Variants in TENM1 observed in about 807,000 individuals in gnomAD.
TENM1 encodes teneurin transmembrane protein 1.
Under a neutral mutation model 174.8 loss-of-function variants are expected in TENM1, and 35 were observed. The ratio of observed to expected loss-of-function variants is 0.20; its 90% CI spans 0.15 to 0.27. The LOEUF is 0.27. Ranked by LOEUF, TENM1 falls within the 10% of genes least tolerant of loss-of-function variation. The pLI, the probability that TENM1 is intolerant of heterozygous loss-of-function variation, is 1.00. For missense variants in TENM1, 1,633 were observed against 2,130.1 expected, an observed-to-expected ratio of 0.77 and a Z score of 4.59; for synonymous variants, 781 against 798.7, an observed-to-expected ratio of 0.98 and a Z score of 0.37.
the TENM1 span, among the ~76,000 whole-genome samples, chrX:125,180,757 C>G: frequency 0.027 from 3,022 of 111,127 alleles, 126 homozygotes; most frequent in African/African-American, 0.093. Context: ...CTATGCTTAT[C>G]TCTTCTCATG....
Position 124,940,926 on chromosome X carries a change from T to C in TENM1, c.217+22611A>G, listed in dbSNP as rs140613608. On this transcript the variant is annotated intron_variant, in intron 1 of 31. Transcript: ENST00000422452. ...ATTTTCCCTTGACTATAAGTATTCA[T>C]TCATTCATACTTCAAATATTTATTC... Among the ~76,000 whole-genome samples the C allele has an allele frequency of 6.2e-3, 691 of 111,767 alleles. 3 individuals are homozygous for C. The highest frequency in any genetic ancestry group is 0.021 in the African/African-American group (659 of 30,809).
chrX:124,676,524 A>G (rs1340264665), intron 5 of TENM1, among the ~76,000 whole-genome samples: 1 of 105,070 alleles, frequency 9.5e-6, no homozygotes. Context: ...TTTTACAATT[A>G]TTCTCCTTCC....
chrX:124,688,153 G>C (rs750068167), intron 5 of TENM1, among the ~76,000 whole-genome samples: 9 of 103,245 alleles, frequency 8.7e-5, no homozygotes, highest in African/African-American at 3.2e-4. Flanking sequence ...TCTTCTCATA[G>C]CATGCTGGCT....
At chrX:124,636,048 C>T (rs1049132574) in intron 11 of TENM1, among the ~76,000 whole-genome samples, 2 of 112,023 alleles carry the variant, frequency 1.8e-5, no homozygotes, top group Admixed American at 1.9e-4. Flanking sequence ...TGAAAATAAT[C>T]AGTAAACCAT....
intron 11 of TENM1, among the ~76,000 whole-genome samples, chrX:124,625,257 A>G (rs1369622700): frequency 9.0e-6 from 1 of 111,391 alleles, no homozygotes; most frequent in Non-Finnish European, 1.9e-5. Flanking sequence ...GATACTTTGG[A>G]AAGACTGATT....
At chrX:124,527,671 CAG>C (rs1488492688) in intron 16 of TENM1, among the ~76,000 whole-genome samples, 1 of 92,331 alleles carries the variant, frequency 1.1e-5, no homozygotes, top group Non-Finnish European at 2.1e-5. Flanking sequence ...TTTTTTGAGA[CAG>C]AGTCTCGCTT....
intron 19 of TENM1, among the ~76,000 whole-genome samples, chrX:124,498,283 T>C (rs748551140): frequency 3.6e-5 from 4 of 111,450 alleles, no homozygotes; most frequent in African/African-American, 1.3e-4. Flanking sequence ...TATTCCTACA[T>C]TAGTTTAGTT....
the TENM1 span, among the ~76,000 whole-genome samples, chrX:125,011,314 A>C: frequency 1.8e-5 from 2 of 112,363 alleles, no homozygotes; most frequent in Non-Finnish European, 3.8e-5. Context: ...TAGTGCAACA[A>C]AAGCCAAAAT....
chrX:124,798,954 C>A (rs1242886294), intron 3 of TENM1, among the ~76,000 whole-genome samples: 1 of 111,413 alleles, frequency 9.0e-6, no homozygotes, highest in Non-Finnish European at 1.9e-5. Flanking sequence ...GAATCCTTAC[C>A]CCATTGCTTT....
At chrX:124,877,169 A>G (rs1235104420) in intron 3 of TENM1, among the ~76,000 whole-genome samples, 1 of 112,475 alleles carries the variant, frequency 8.9e-6, no homozygotes. Context: ...ATTATACAAT[A>G]TAGCATTCAG....
intron 3 of TENM1, among the ~76,000 whole-genome samples, chrX:124,807,912 CACACACAG>C (rs1465369959): frequency 9.1e-6 from 1 of 109,721 alleles, no homozygotes; most frequent in Admixed American, 9.8e-5. Flanking sequence ...CACACACACA[CACACACAG>C]AGGAAGGAAG....
chrX:124,699,191 A>G (rs1467518908), intron 5 of TENM1, among the ~76,000 whole-genome samples: 1 of 111,403 alleles, frequency 9.0e-6, no homozygotes, highest in Non-Finnish European at 1.9e-5. Context: ...ATAGAATTCA[A>G]GTTATTTACT....
At chrX:124,769,525 G>A (rs1380857708) in intron 3 of TENM1, among the ~76,000 whole-genome samples, 2 of 111,443 alleles carry the variant, frequency 1.8e-5, no homozygotes, top group Non-Finnish European at 3.8e-5. Context: ...TTAAATAATT[G>A]AAGCCTAAAC....
intron 5 of TENM1, among the ~76,000 whole-genome samples, chrX:124,703,444 A>C (rs2052822604): frequency 8.9e-6 from 1 of 111,916 alleles, no homozygotes; most frequent in Admixed American, 9.5e-5. Context: ...CATAATAATA[A>C]ATTTAAATAG....
intron 23 of TENM1, among the ~76,000 whole-genome samples, chrX:124,447,480 T>C (rs189845604): frequency 2.7e-4 from 30 of 111,947 alleles, no homozygotes; most frequent in Admixed American, 2.6e-3. Context: ...AAAGAAGTGA[T>C]CTATTTTCCG....
At chrX:124,911,841 A>G (rs1393814947) in intron 1 of TENM1, among the ~76,000 whole-genome samples, 1 of 111,594 alleles carries the variant, frequency 9.0e-6, no homozygotes, top group Non-Finnish European at 1.9e-5. Flanking sequence ...ATCTGAACAC[A>G]AATAACCGAG....
intron 14 of TENM1, among the ~76,000 whole-genome samples, chrX:124,547,428 T>C (rs981139570): frequency 2.7e-5 from 3 of 112,260 alleles, no homozygotes; most frequent in South Asian, 7.4e-4. Context: ...TCTTCCTCAG[T>C]GAGACCATTC....
intron 11 of TENM1, among the ~76,000 whole-genome samples, chrX:124,622,300 G>C (rs1270286278): frequency 8.9e-6 from 1 of 111,913 alleles, no homozygotes; most frequent in Non-Finnish European, 1.9e-5. Flanking sequence ...GGTGGGAAAA[G>C]AGGGAGAGAC....
intron 3 of TENM1, among the ~76,000 whole-genome samples, chrX:124,748,127 G>C (rs2053973418): frequency 9.0e-6 from 1 of 110,967 alleles, no homozygotes. Context: ...CTTATGTAAA[G>C]CATAATTCCA....
Sources: allele counts gnomAD v4.1 joint callset (sites outside exome capture counted in the v4.1 genomes callset), GRCh38; gene constraint gnomAD v4.1.1; transcripts MANE v1.5; gene names NCBI Gene and HGNC (gene_info 2026-07-23, HGNC 2026-07-21).